Variants in EBF2 observed in about 807,000 individuals in gnomAD.
EBF2 encodes transcription factor COE2.
In EBF2, 21 loss-of-function variants were observed where a neutral mutation model predicts 72.8. The ratio of observed to expected loss-of-function variants is 0.29; its 90% CI spans 0.20 to 0.42. The LOEUF (loss-of-function observed/expected upper bound fraction) is 0.42, where lower values mean the gene tolerates loss of function less well. EBF2 is among the 10% of genes least tolerant of loss of function. The pLI is 1.00. For synonymous variants in EBF2, 299 were observed against 274.2 expected (o/e 1.09, Z -0.89); for missense variants, 637 against 731.2 (o/e 0.87, Z 1.49).
intron 6 of EBF2, among the ~76,000 whole-genome samples, chr8:25,954,004 G>A (rs1431439618): frequency 6.6e-6 from 1 of 152,132 alleles, no homozygotes; most frequent in Non-Finnish European, 1.5e-5. Context: ...TGCTGTCAAG[G>A]TGTGTTAGTA....
chr8:25,851,758 T>TTTGTATTTTCAA (rs1344750938), intron 14 of EBF2, among the ~76,000 whole-genome samples: 7 of 152,190 alleles, frequency 4.6e-5, no homozygotes, highest in Non-Finnish European at 2.9e-5. Context: ...TATTTCTTGC[T>TTTGTATTTTCAA]TTGTATTTTC....
intron 6 of EBF2, among the ~76,000 whole-genome samples, chr8:25,996,814 C>T (rs1370632985): frequency 6.6e-6 from 1 of 151,974 alleles, no homozygotes; most frequent in Non-Finnish European, 1.5e-5. Flanking sequence ...AAAAAGAGAA[C>T]ACAAAGGCAA....
At chr8:25,872,733 T>C (rs1419683487) in intron 10 of EBF2, among the ~76,000 whole-genome samples, 1 of 152,160 alleles carries the variant, frequency 6.6e-6, no homozygotes, top group South Asian at 2.1e-4. Flanking sequence ...ATCTATATAA[T>C]GTGACTGCCA....
intron 6 of EBF2, among the ~76,000 whole-genome samples, chr8:25,917,931 C>T (rs866116905): frequency 4.6e-5 from 7 of 152,306 alleles, no homozygotes; most frequent in Middle Eastern, 3.4e-3. Flanking sequence ...TAATTCATAA[C>T]TCGGTAATAA....
At chr8:25,940,343 A>G (rs1389016835) in intron 6 of EBF2, among the ~76,000 whole-genome samples, 2 of 152,218 alleles carry the variant, frequency 1.3e-5, no homozygotes, top group Non-Finnish European at 2.9e-5. Context: ...AACCAAGGAC[A>G]GGGAGTTGAC....
intron 7 of EBF2, among the ~76,000 whole-genome samples, chr8:25,895,521 G>GA (rs1056012102): frequency 2.0e-5 from 3 of 152,174 alleles, no homozygotes; most frequent in Non-Finnish European, 4.4e-5. Flanking sequence ...ATCTTCCCAT[G>GA]AAAAATACAA....
chr8:25,861,607 G>A (rs1186235727), intron 11 of EBF2, among the ~76,000 whole-genome samples: 1 of 146,456 alleles, frequency 6.8e-6, no homozygotes, highest in Non-Finnish European at 1.5e-5. Context: ...AAATGATTGT[G>A]TTACCAAAAC....
At chr8:26,027,239 A>C (rs1045798009) in intron 6 of EBF2, among the ~76,000 whole-genome samples, 5 of 152,206 alleles carry the variant, frequency 3.3e-5, no homozygotes, top group Non-Finnish European at 7.3e-5. Context: ...TAAGAAACAC[A>C]CTTGAGAGAC....
At chr8:25,866,923 C>T (rs567969196) in intron 10 of EBF2, among the ~76,000 whole-genome samples, 12 of 151,948 alleles carry the variant, frequency 7.9e-5, no homozygotes, top group African/African-American at 1.9e-4. Flanking sequence ...TGAGCTACCG[C>T]GCCTGGCCTA....
Position 25,849,752 on chromosome 8 carries a change from GTTTGATGGATAACT to G in EBF2, c.1696+828_1696+841del, listed in dbSNP as rs535497862. On this transcript the variant is annotated intron_variant, in intron 15 of 15. Coordinates refer to ENST00000520164, the MANE Select transcript of EBF2 (RefSeq NM_022659.4). ...ATTTTAGAACATTGCTCAAAAATGG[GTTTGATGGATAACT>G]TTTGTTCTTAGAAACTATGACTTTT... 9.2e-5 allele frequency among the ~76,000 whole-genome samples: 14 copies of G among 152,282 alleles called. No homozygotes were observed. The South Asian group carries it at 2.7e-3, about 29-fold the overall frequency.
At chr8:25,938,802 T>A (rs908570275) in intron 6 of EBF2, among the ~76,000 whole-genome samples, 2 of 152,024 alleles carry the variant, frequency 1.3e-5, no homozygotes, top group African/African-American at 4.8e-5. Flanking sequence ...GGGCCTCAAT[T>A]TCATTACTTG....
Position 25,890,041 on chromosome 8 carries a change from C to A in EBF2, c.634-172G>T, listed in dbSNP as rs3812415. 0.018 allele frequency among the ~76,000 whole-genome samples: 2,729 copies of A among 152,282 alleles called. 120 individuals are homozygous for A. Among genetic ancestry groups the A allele is most frequent in the Admixed American group, 0.095 (1,459 of 15,282 alleles). Reference sequence around the variant, plus strand: ...CTTCTGTAATTATGTCAAAACTTTACAGAAAAAGTGGCTGCCCTTCATCCA... The same window carrying A: ...CTTCTGTAATTATGTCAAAACTTTAAAGAAAAAGTGGCTGCCCTTCATCCA... On this transcript the variant is annotated intron_variant, in intron 7 of 15. Coordinates refer to ENST00000520164, the MANE Select transcript of EBF2 (RefSeq NM_022659.4).
chr8:25,980,214 GCT>G (rs1804337701), intron 6 of EBF2, among the ~76,000 whole-genome samples: 1 of 152,034 alleles, frequency 6.6e-6, no homozygotes, highest in Non-Finnish European at 1.5e-5. Context: ...CTTATTTGTT[GCT>G]CTGTTTTATT....
At chr8:25,917,787 G>A (rs965092065) in intron 6 of EBF2, among the ~76,000 whole-genome samples, 4 of 151,386 alleles carry the variant, frequency 2.6e-5, no homozygotes, top group Non-Finnish European at 4.4e-5. Context: ...CTGCCCTCCC[G>A]GCAGAGCTCA....
intron 10 of EBF2, among the ~76,000 whole-genome samples, chr8:25,868,181 A>T (rs1365154682): frequency 1.3e-5 from 2 of 152,152 alleles, no homozygotes; most frequent in Non-Finnish European, 2.9e-5. Flanking sequence ...AGTATCTTAA[A>T]ATTTCTAGGT....
chr8:25,987,342 G>C (rs1312565520), intron 6 of EBF2, among the ~76,000 whole-genome samples: 1 of 152,114 alleles, frequency 6.6e-6, no homozygotes, highest in African/African-American at 2.4e-5. Context: ...TTGCAGATAA[G>C]GAAACTGAGG....
rs377184687 is a variant in EBF2, at chr8:25,922,016, T to A, written c.552-13461A>T. Among the ~76,000 whole-genome samples, 9 of 152,330 alleles carry A rather than the reference T, an allele frequency of 5.9e-5. No individual in the cohort carries two copies. In the South Asian group the frequency reaches 1.7e-3, roughly 28 times the overall value. On this transcript the variant is annotated intron_variant, in intron 6 of 15. Transcript: ENST00000520164. ...AAACTGAGCCACCTTGTTTCAAAAA[T>A]GGAGGCTAGGCATGAAATCTCCCAT... is the stretch of plus-strand genomic sequence containing the variant.
intron 10 of EBF2, among the ~76,000 whole-genome samples, chr8:25,882,622 TGCCAG>T (rs1404397868): frequency 1.3e-5 from 2 of 152,236 alleles, no homozygotes; most frequent in Non-Finnish European, 2.9e-5. Context: ...CCACCACAGT[TGCCAG>T]GCACTGTATC....
intron 6 of EBF2, among the ~76,000 whole-genome samples, chr8:26,029,527 A>G (rs1230263321): frequency 6.6e-6 from 1 of 152,184 alleles, no homozygotes; most frequent in Non-Finnish European, 1.5e-5. Context: ...TTGGTGGTGA[A>G]AAGTTGGGGA....
Sources: allele counts gnomAD v4.1 joint callset (sites outside exome capture counted in the v4.1 genomes callset), GRCh38; gene constraint gnomAD v4.1.1; transcripts MANE v1.5; gene names NCBI Gene and HGNC (gene_info 2026-07-23, HGNC 2026-07-21).